DMD: variants seen among roughly 807,000 people sequenced by gnomAD.
DMD encodes the protein mutant dystrophin.
A neutral mutation model predicts 330.1 loss-of-function variants in DMD; 63 were observed. The ratio of observed to expected loss-of-function variants is 0.19; its 90% CI spans 0.16 to 0.24. The LOEUF is 0.24. DMD is among the 10% of genes least tolerant of loss of function. The pLI is 1.00. For synonymous variants in DMD, 1,223 were observed against 959.8 expected (o/e 1.27, Z -5.07); for missense variants, 3,344 against 2,684.1 (o/e 1.25, Z -5.43).
At chrX:32,751,964 G>C (rs2070879074) in intron 7 of DMD, among the ~76,000 whole-genome samples, 2 of 112,900 alleles carry the variant, frequency 1.8e-5, no homozygotes, top group South Asian at 7.2e-4. Context: ...TGCGGTTTGG[G>C]AACCTCTGCC....
At chrX:31,827,964 G>T (rs2092927202) in intron 49 of DMD, among the ~76,000 whole-genome samples, 1 of 111,927 alleles carries the variant, frequency 8.9e-6, no homozygotes, top group Non-Finnish European at 1.9e-5. Context: ...CAAAAATTCT[G>T]AAAGAGCACA....
In DMD at chrX:32,244,894, T is replaced by C. The variant is rs1348002544; in HGVS notation, c.6291-27831A>G. Among the ~76,000 whole-genome samples, 47 of 74,308 alleles carry C rather than the reference T, an allele frequency of 6.3e-4. 1 individual carries two copies. The highest frequency in any genetic ancestry group is 8.7e-4 in the Admixed American group (5 of 5,748). 64.5% of individuals were successfully genotyped at this position (74,308 alleles called of 115,157 possible). A position where few individuals can be genotyped will look rare whatever the true frequency, so the allele number is the denominator to read the frequency against. ...TCAGATGAGTAGGTTGCGAAAATTT[T>C]CTCCCATGTTGTAGGTTCCCTGTTC... On this transcript the variant is annotated intron_variant, in intron 43 of 78. Transcript: ENST00000357033.
At chrX:32,828,572 CAT>C (rs1329108793) in intron 4 of DMD, among the ~76,000 whole-genome samples, 2 of 107,514 alleles carry the variant, frequency 1.9e-5, no homozygotes, top group Non-Finnish European at 3.8e-5. Flanking sequence ...CACATATACA[CAT>C]ATATATCTAT....
chrX:31,942,117 C>G (rs1467901249), intron 45 of DMD, among the ~76,000 whole-genome samples: 2 of 112,118 alleles, frequency 1.8e-5, no homozygotes, highest in Non-Finnish European at 3.8e-5. Flanking sequence ...CTGCTCTCCA[C>G]AGTGCCTAAA....
chrX:32,918,001 G>T (rs759097186), intron 2 of DMD, among the ~76,000 whole-genome samples: 6 of 107,242 alleles, frequency 5.6e-5, no homozygotes, highest in Non-Finnish European at 9.6e-5. Flanking sequence ...AAAAAAGAAA[G>T]AAAAGGGTTC....
chrX:31,962,769 T>A (rs187831242), intron 45 of DMD, among the ~76,000 whole-genome samples: 1 of 111,473 alleles, frequency 9.0e-6, no homozygotes, highest in Admixed American at 9.6e-5. Flanking sequence ...GTTTCCAAAC[T>A]CTGGGCTGGA....
chrX:31,284,606 T>A (rs2053001614), intron 62 of DMD, among the ~76,000 whole-genome samples: 1 of 96,929 alleles, frequency 1.0e-5, no homozygotes, highest in African/African-American at 3.9e-5. Context: ...CTTCTTCTTC[T>A]TTTTTTTGGC....
chrX:31,342,623 C>A (rs950982952), intron 61 of DMD, among the ~76,000 whole-genome samples: 7 of 111,005 alleles, frequency 6.3e-5, no homozygotes, highest in African/African-American at 2.3e-4. Context: ...TTTAAGGGAC[C>A]TCTGGAACTT....
intron 1 of DMD, among the ~76,000 whole-genome samples, chrX:33,289,300 G>A (rs2053479871): frequency 9.0e-6 from 1 of 110,653 alleles, no homozygotes; most frequent in Non-Finnish European, 1.9e-5. Flanking sequence ...CCTAAGTCAT[G>A]CTACAATAAA....
At chrX:31,370,024 G>A (rs1180887380) in intron 60 of DMD, among the ~76,000 whole-genome samples, 6 of 106,205 alleles carry the variant, frequency 5.6e-5, no homozygotes, top group South Asian at 8.6e-4. Flanking sequence ...GCGTGAACCC[G>A]GGAGGCGGAA....
chrX:32,966,042 T>C (rs915798041), intron 2 of DMD, among the ~76,000 whole-genome samples: 1 of 112,195 alleles, frequency 8.9e-6, no homozygotes, highest in Admixed American at 9.5e-5. Context: ...CAAAGCAAAG[T>C]ATCTAAGATT....
chrX:31,414,274 C>G (rs1273367549), intron 60 of DMD, among the ~76,000 whole-genome samples: 1 of 111,453 alleles, frequency 9.0e-6, no homozygotes, highest in Non-Finnish European at 1.9e-5. Context: ...CTCGGCCTCC[C>G]AAAGTGCTGG....
chrX:33,080,998 AC>A (rs2094920644), intron 1 of DMD, among the ~76,000 whole-genome samples: 3 of 106,230 alleles, frequency 2.8e-5, no homozygotes, highest in African/African-American at 3.6e-5. Context: ...ACACACACAC[AC>A]ACACACACAA....
chrX:31,314,427 T>C (rs1031220645), intron 62 of DMD, among the ~76,000 whole-genome samples: 2 of 112,093 alleles, frequency 1.8e-5, no homozygotes, highest in Non-Finnish European at 3.8e-5. Context: ...ATGCAATGGC[T>C]TTGGGGACCA....
intron 7 of DMD, among the ~76,000 whole-genome samples, chrX:32,746,101 A>G (rs1165542363): frequency 8.9e-6 from 1 of 112,294 alleles, no homozygotes; most frequent in Non-Finnish European, 1.9e-5. Flanking sequence ...GTCTCTTATC[A>G]TTCTACAGGT....
chrX:31,516,290 A>G (rs1486151281), intron 55 of DMD, among the ~76,000 whole-genome samples: 3 of 109,646 alleles, frequency 2.7e-5, no homozygotes, highest in Non-Finnish European at 3.8e-5. Flanking sequence ...AAAAAAAAAA[A>G]AAAAAAACCC....
At chrX:31,994,921 G>T (rs901130049) in intron 44 of DMD, among the ~76,000 whole-genome samples, 25 of 112,139 alleles carry the variant, frequency 2.2e-4, no homozygotes, top group African/African-American at 7.1e-4. Flanking sequence ...CTTGTCACTT[G>T]GTTCTCAAAG....
chrX:32,992,992 G>T (rs140078075), intron 2 of DMD, among the ~76,000 whole-genome samples: 2,567 of 109,849 alleles, frequency 0.023, 81 homozygotes, highest in African/African-American at 0.079. Flanking sequence ...TAAAATCAAT[G>T]TATTTTACTG....
intron 16 of DMD, among the ~76,000 whole-genome samples, chrX:32,548,592 C>A (rs973651850): frequency 9.0e-6 from 1 of 111,441 alleles, no homozygotes; most frequent in Non-Finnish European, 1.9e-5. Context: ...ATTGAGTAAA[C>A]AATGCTAGAC....
Sources: gnomAD v4.1 joint callset for allele counts (sites outside exome capture counted in the v4.1 genomes callset) on GRCh38, gnomAD v4.1.1 for gene constraint, MANE v1.5 for transcripts, NCBI Gene and HGNC (gene_info 2026-07-23, HGNC 2026-07-21) for gene names.